The following MYO6 variants were observed in gnomAD, a reference collection of about 807,000 sequenced individuals.
MYO6 encodes the protein myosin VI.
MYO6 carries 74 observed loss-of-function variants against 178.7 expected under a neutral mutation model. That is an observed-to-expected ratio of 0.41 (90% CI 0.34 to 0.50). The LOEUF (loss-of-function observed/expected upper bound fraction) is 0.50, where lower values mean the gene tolerates loss of function less well. MYO6 is among the 20% of genes least tolerant of loss of function. The probability of loss-of-function intolerance (pLI) is 0.09; values close to 1 mark genes in which losing one functional copy is unlikely to be tolerated. For synonymous variants in MYO6, 477 were observed against 504.6 expected, an observed-to-expected ratio of 0.95 and a Z score of 0.73; for missense variants, 1,330 against 1,547.4, an observed-to-expected ratio of 0.86 and a Z score of 2.36.
At chr6:75,865,546 A>G (rs1184679921) in intron 16 of MYO6, among the ~76,000 whole-genome samples, 3 of 150,478 alleles carry the variant, frequency 2.0e-5, no homozygotes, top group Non-Finnish European at 4.4e-5. Context: ...CATATTTTTT[A>G]TAGAGATGGG....
At chr6:75,868,266 A>C (rs1438506656) in intron 18 of MYO6, among the ~76,000 whole-genome samples, 1 of 151,818 alleles carries the variant, frequency 6.6e-6, no homozygotes, top group Non-Finnish European at 1.5e-5. Flanking sequence ...TTTTGTTATA[A>C]GTTATATTCA....
At chr6:75,821,942 G>A (rs912519740) in intron 2 of MYO6, among the ~76,000 whole-genome samples, 5 of 152,018 alleles carry the variant, frequency 3.3e-5, no homozygotes, top group Non-Finnish European at 5.9e-5. Context: ...TTTTACAGAC[G>A]AAATATTTTT....
Position 75,879,902 on chromosome 6 carries a change from G to A in MYO6, c.2160G>A (p.Lys720=). The A allele has an allele frequency of 1.2e-6, 2 of 1,614,140 alleles. No homozygotes were observed. Among genetic ancestry groups the A allele is most frequent in the East Asian group, 4.5e-5 (2 of 44,868 alleles). ...SFHELYNMYK[K]YMPDKLARLD... Reference sequence around the variant, plus strand: ...ATGAACTCTACAACATGTACAAAAAGTATATGCCAGATAAACTTGCAAGAT... The same window carrying A: ...ATGAACTCTACAACATGTACAAAAAATATATGCCAGATAAACTTGCAAGAT... The change falls in exon 21 of 35, where the codon AAG becomes AAA. Residue 720 remains lysine, a synonymous_variant. Coordinates refer to ENST00000369977, the MANE Select transcript of MYO6 (RefSeq NM_004999.4).
chr6:75,824,960 T>C (rs1238063787), intron 3 of MYO6, among the ~76,000 whole-genome samples: 1 of 152,090 alleles, frequency 6.6e-6, no homozygotes, highest in East Asian at 1.9e-4. Context: ...GGGTTCACTA[T>C]GTTGGCCAGG....
At chr6:75,903,079 T>C (rs1779952629) in intron 30 of MYO6, among the ~76,000 whole-genome samples, 1 of 152,244 alleles carries the variant, frequency 6.6e-6, no homozygotes, top group Non-Finnish European at 1.5e-5. Flanking sequence ...CATTGCACTG[T>C]GGTCTGAGAG....
chr6:75,843,378 A>T (rs1221407178), intron 9 of MYO6, among the ~76,000 whole-genome samples: 3 of 152,220 alleles, frequency 2.0e-5, no homozygotes, highest in Admixed American at 6.5e-5. Flanking sequence ...GTTTGCATTT[A>T]GACATTTCAA....
In MYO6 at chr6:75,757,267, A is replaced by C. The variant is rs78905374; in HGVS notation, c.-48+7844A>C. On this transcript the variant is annotated intron_variant, in intron 1 of 34. Transcript: ENST00000369977. ...CATACATATGTGTGTGTATATATGT[A>C]TATAGACATATACACAATATATGTG... Among the ~76,000 whole-genome samples, 254 of 148,762 alleles carry C rather than the reference A, an allele frequency of 1.7e-3. 1 individual carries two copies. The highest frequency in any genetic ancestry group is 1.8e-3 in the East Asian group (9 of 4,992).
chr6:75,826,552 G>T (rs917151803), intron 3 of MYO6, among the ~76,000 whole-genome samples: 2 of 152,104 alleles, frequency 1.3e-5, no homozygotes, highest in Non-Finnish European at 2.9e-5. Flanking sequence ...AGAGAGATGG[G>T]GAGTGGTTCA....
intron 1 of MYO6, among the ~76,000 whole-genome samples, chr6:75,759,016 T>C (rs890140988): frequency 6.6e-6 from 1 of 151,830 alleles, no homozygotes; most frequent in Non-Finnish European, 1.5e-5. Flanking sequence ...ATCACAGGCA[T>C]GTGCCACCAT....
chr6:75,853,555 ATCCAGTTGT>A (rs1775467176), intron 11 of MYO6, among the ~76,000 whole-genome samples: 1 of 152,176 alleles, frequency 6.6e-6, no homozygotes, highest in East Asian at 1.9e-4. Flanking sequence ...GCATGTGGAC[ATCCAGTTGT>A]TCCAGTACCT....
At chr6:75,757,886 T>G (rs1010162839) in intron 1 of MYO6, among the ~76,000 whole-genome samples, 1 of 151,796 alleles carries the variant, frequency 6.6e-6, no homozygotes, top group Admixed American at 6.6e-5. Context: ...GTTACTGTGT[T>G]TTTTTTTGTC....
At chr6:75,835,124 T>A (rs1280611000) in intron 6 of MYO6, among the ~76,000 whole-genome samples, 4 of 152,210 alleles carry the variant, frequency 2.6e-5, no homozygotes, top group African/African-American at 9.7e-5. Flanking sequence ...GATTGCCTCA[T>A]TTTCTGTAGC....
intron 1 of MYO6, among the ~76,000 whole-genome samples, chr6:75,759,201 T>C (rs1417240636): frequency 6.6e-6 from 1 of 152,160 alleles, no homozygotes; most frequent in Non-Finnish European, 1.5e-5. Flanking sequence ...TCTATAGATC[T>C]TAAAAACTTT....
chr6:75,817,540 C>T lies in MYO6; in HGVS notation c.-8C>T. On this transcript the variant is annotated 5_prime_UTR_variant, in exon 2 of 35. Transcript: ENST00000369977. The stretch of plus-strand genomic sequence containing the variant: ...TGGAAACAGGAGATCGTGGATCCTC[C>T]TTCAAAAATGGAGGATGGAAAGCCC... 1.9e-6 allele frequency: 3 copies of T among 1,612,664 alleles called. No homozygotes were observed. In the South Asian group the frequency reaches 3.3e-5, roughly 18 times the overall value.
intron 7 of MYO6, 52 bp downstream of exon 7, chr6:75,836,008 CTTCTT>C (rs748462115): frequency 4.0e-4 from 494 of 1,223,144 alleles, no homozygotes; most frequent in Non-Finnish European, 5.4e-4. Context: ...ATTTACAAGA[CTTCTT>C]TTAGTGGTCT....
intron 27 of MYO6, among the ~76,000 whole-genome samples, chr6:75,892,028 A>T (rs1323930761): frequency 6.6e-6 from 1 of 152,228 alleles, no homozygotes; most frequent in Non-Finnish European, 1.5e-5. Context: ...TTAAGTTTTA[A>T]AATATCATAT....
intron 1 of MYO6, among the ~76,000 whole-genome samples, chr6:75,786,991 G>A (rs1477982588): frequency 6.6e-6 from 1 of 152,168 alleles, no homozygotes; most frequent in Non-Finnish European, 1.5e-5. Flanking sequence ...CAGATTCTGC[G>A]CTGCATTCAC....
At chr6:75,908,897 TCACA>T (rs1337079466) in intron 32 of MYO6, among the ~76,000 whole-genome samples, 1 of 152,076 alleles carries the variant, frequency 6.6e-6, no homozygotes, top group African/African-American at 2.4e-5. Flanking sequence ...TGCATAATTT[TCACA>T]CACACAAACA....
intron 1 of MYO6, among the ~76,000 whole-genome samples, chr6:75,811,325 G>T (rs556651565): frequency 6.6e-6 from 1 of 152,248 alleles, no homozygotes; most frequent in African/African-American, 2.4e-5. Flanking sequence ...TTCATGCCTT[G>T]AAATTCAGCT....
Sources: allele counts gnomAD v4.1 joint callset (sites outside exome capture counted in the v4.1 genomes callset), GRCh38; gene constraint gnomAD v4.1.1; transcripts MANE v1.5; gene names NCBI Gene and HGNC (gene_info 2026-07-23, HGNC 2026-07-21).